CDYL: variants seen among roughly 807,000 people sequenced by gnomAD.
The protein encoded by CDYL is chromodomain Y-like protein.
In CDYL, 8 loss-of-function variants were observed where a neutral mutation model predicts 47.3. The observed-to-expected ratio is 0.17, with a 90% CI of 0.10 to 0.31. CDYL has a LOEUF of 0.31. Among genes scored for constraint, CDYL ranks in the 10% least tolerant of loss-of-function variants. The pLI, the probability that CDYL is intolerant of heterozygous loss-of-function variation, is 1.00. For missense variants in CDYL, 471 were observed against 701.4 expected (o/e 0.67, Z 3.71); for synonymous variants, 266 against 265.0 (o/e 1.00, Z -0.04).
chr6:4,724,112 C>T (rs2127411193), intron 2 of CDYL, among the ~76,000 whole-genome samples: 1 of 152,326 alleles, frequency 6.6e-6, no homozygotes, highest in South Asian at 2.1e-4. Flanking sequence ...ATGATCTTGG[C>T]TCACTATAAC....
chr6:4,933,955 C>T (rs894159644), intron 2 of CDYL, among the ~76,000 whole-genome samples: 2 of 152,214 alleles, frequency 1.3e-5, no homozygotes, highest in Non-Finnish European at 2.9e-5. Context: ...TAGGAAAGAA[C>T]AGGAAGCTAT....
intron 1 of CDYL, among the ~76,000 whole-genome samples, chr6:4,837,568 G>A (rs1400928672): frequency 2.7e-5 from 4 of 150,390 alleles, no homozygotes; most frequent in Admixed American, 6.6e-5. Context: ...GGGTTCAAGC[G>A]ATTCTCCTGC....
chr6:4,733,851 C>CT (rs3054896), intron 2 of CDYL, among the ~76,000 whole-genome samples: 8 of 131,874 alleles, frequency 6.1e-5, no homozygotes, highest in Admixed American at 7.9e-5. Context: ...TTTTCTTCTT[C>CT]TTTTTTTTTT....
chr6:4,776,118 C>A (rs1456972514), upstream of CDYL, among the ~76,000 whole-genome samples: 1 of 149,990 alleles, frequency 6.7e-6, no homozygotes, highest in Non-Finnish European at 1.5e-5. Flanking sequence ...AGGCCGACCC[C>A]GCAAGCGGGA....
chr6:4,852,806 C>CTTTTTTTTTTTTT (rs528608801), intron 1 of CDYL, among the ~76,000 whole-genome samples: 40 of 146,768 alleles, frequency 2.7e-4, no homozygotes, highest in African/African-American at 9.3e-4. Flanking sequence ...TTTCTTTGTT[C>CTTTTTTTTTTTTT]TTTTTTTTTT....
intron 5 of CDYL, among the ~76,000 whole-genome samples, chr6:4,944,171 C>T (rs55848642): frequency 0.079 from 11,940 of 152,074 alleles, 1,504 homozygotes; most frequent in African/African-American, 0.27. Flanking sequence ...CTGTTTAATC[C>T]GTTCATTATA....
chr6:4,744,364 G>A (rs1757850858), intron 3 of CDYL, among the ~76,000 whole-genome samples: 1 of 152,090 alleles, frequency 6.6e-6, no homozygotes, highest in African/African-American at 2.4e-5. Flanking sequence ...GTGTGGTGCT[G>A]CATGCCTGTA....
chr6:4,752,836 ATG>A (rs35686534), intron 3 of CDYL, among the ~76,000 whole-genome samples: 3 of 148,840 alleles, frequency 2.0e-5, no homozygotes, highest in African/African-American at 4.9e-5. Flanking sequence ...AAGGAAAATA[ATG>A]TGTGTGTGTG....
At chr6:4,849,409 G>A (rs991587710) in intron 1 of CDYL, among the ~76,000 whole-genome samples, 1 of 152,126 alleles carries the variant, frequency 6.6e-6, no homozygotes, top group Admixed American at 6.5e-5. Context: ...AGTGCTTTTT[G>A]AGGTTAACAG....
At chr6:4,908,880 T>C (rs1236113954) in intron 2 of CDYL, among the ~76,000 whole-genome samples, 2 of 152,182 alleles carry the variant, frequency 1.3e-5, no homozygotes, top group African/African-American at 4.8e-5. Context: ...CTGTGCATGG[T>C]CACATTCTGC....
At chr6:4,746,180 A>G (rs989222668) in intron 3 of CDYL, among the ~76,000 whole-genome samples, 31 of 152,190 alleles carry the variant, frequency 2.0e-4, no homozygotes, top group Admixed American at 7.2e-4. Context: ...CCTGACCAAC[A>G]TGGTGAAACC....
At chr6:4,831,255 A>G (rs1760135304) in intron 1 of CDYL, among the ~76,000 whole-genome samples, 1 of 152,162 alleles carries the variant, frequency 6.6e-6, no homozygotes, top group African/African-American at 2.4e-5. Context: ...TGATTTTTGT[A>G]TAAGGTGTAA....
chr6:4,829,730 G>A (rs562778158), intron 1 of CDYL, among the ~76,000 whole-genome samples: 1 of 152,256 alleles, frequency 6.6e-6, no homozygotes, highest in Admixed American at 6.5e-5. Context: ...TCTGGCTTAA[G>A]GGCCCAAGTT....
At chr6:4,831,168 G>A (rs577169733) in intron 1 of CDYL, among the ~76,000 whole-genome samples, 56 of 152,108 alleles carry the variant, frequency 3.7e-4, no homozygotes, top group Non-Finnish European at 6.9e-4. Flanking sequence ...AGATCCCTGA[G>A]GAATTAATGC....
chr6:4,952,173 G>A (rs974179440), intron 5 of CDYL, 93 bp from the exon 6 acceptor site: 4 of 1,435,000 alleles, frequency 2.8e-6, no homozygotes, highest in Non-Finnish European at 3.8e-6. Flanking sequence ...TGGTATTTGT[G>A]AATGTTTCCC....
intron 2 of CDYL, among the ~76,000 whole-genome samples, chr6:4,927,428 CGT>C (rs35317751): frequency 0.34 from 49,014 of 142,306 alleles, 8,806 homozygotes; most frequent in East Asian, 0.69. Context: ...ATTTACTGTA[CGT>C]GTGTGTGTGT....
intron 1 of CDYL, among the ~76,000 whole-genome samples, chr6:4,780,627 A>T (rs1163914667): frequency 6.6e-6 from 1 of 152,114 alleles, no homozygotes; most frequent in Non-Finnish European, 1.5e-5. Flanking sequence ...TAACTATCCT[A>T]AACTTTCTCA....
At chr6:4,912,099 C>CTA (rs796885740) in intron 2 of CDYL, among the ~76,000 whole-genome samples, 25 of 152,314 alleles carry the variant, frequency 1.6e-4, no homozygotes, top group African/African-American at 5.8e-4. Context: ...GTAAAATACT[C>CTA]TAAACAGCGC....
chr6:4,774,004 T>C (rs569435077), upstream of CDYL, among the ~76,000 whole-genome samples: 135 of 152,342 alleles, frequency 8.9e-4, 1 homozygote, highest in Non-Finnish European at 9.3e-4. Flanking sequence ...TGGATGTCTA[T>C]GTTCCTTTCT....
Sources: allele counts gnomAD v4.1 joint callset (sites outside exome capture counted in the v4.1 genomes callset), GRCh38; gene constraint gnomAD v4.1.1; transcripts MANE v1.5; gene names NCBI Gene and HGNC (gene_info 2026-07-23, HGNC 2026-07-21).